Variants in SSBP2 observed in about 807,000 individuals in gnomAD.
SSBP2 encodes the protein single stranded DNA binding protein 2, also known as single-stranded DNA-binding protein 2.
Under a neutral mutation model 61.8 loss-of-function variants are expected in SSBP2, and 17 were observed. The observed-to-expected ratio is 0.28, with a 90% CI of 0.19 to 0.41. SSBP2 has a LOEUF of 0.41. Among genes scored for constraint, SSBP2 ranks in the 10% least tolerant of loss-of-function variants. The probability of loss-of-function intolerance (pLI) is 1.00; values close to 1 mark genes in which losing one functional copy is unlikely to be tolerated. For synonymous variants in SSBP2, 139 were observed against 141.3 expected (o/e 0.98, Z 0.12); for missense variants, 310 against 458.7 (o/e 0.68, Z 2.96).
chr5:81,514,558 C>T (rs1006539625), intron 4 of SSBP2, among the ~76,000 whole-genome samples: 2 of 151,944 alleles, frequency 1.3e-5, no homozygotes, highest in African/African-American at 4.8e-5. Context: ...ATTACAAATA[C>T]TAAAAACAGT....
chr5:81,751,101 G>A (rs1757741388), upstream of SSBP2: 6 of 1,530,242 alleles, frequency 3.9e-6, no homozygotes, highest in Admixed American at 5.9e-5. Context: ...CAGCCTCCCC[G>A]GGAACAGCCC....
At chr5:81,544,298 C>T (rs1282896634) in intron 4 of SSBP2, among the ~76,000 whole-genome samples, 1 of 152,158 alleles carries the variant, frequency 6.6e-6, no homozygotes, top group Non-Finnish European at 1.5e-5. Context: ...CCGCCCCCCT[C>T]AGCCACCCAA....
intron 1 of SSBP2, among the ~76,000 whole-genome samples, chr5:81,721,436 G>T (rs1025629085): frequency 3.9e-5 from 6 of 152,012 alleles, no homozygotes; most frequent in Admixed American, 3.9e-4. Context: ...TCATGAACCA[G>T]TTCACACACT....
chr5:81,702,341 A>G (rs1278164607), intron 1 of SSBP2, among the ~76,000 whole-genome samples: 2 of 152,230 alleles, frequency 1.3e-5, no homozygotes, highest in Non-Finnish European at 2.9e-5. Context: ...ACTGCACTCC[A>G]GTCTGGCAAC....
At chr5:81,598,987 C>T (rs1192330242) in intron 4 of SSBP2, among the ~76,000 whole-genome samples, 3 of 152,172 alleles carry the variant, frequency 2.0e-5, no homozygotes, top group African/African-American at 7.2e-5. Context: ...TGCCTTTATT[C>T]TTTAGTGCAG....
At chr5:81,476,775 T>A (rs1271847893) in intron 6 of SSBP2, among the ~76,000 whole-genome samples, 3 of 152,224 alleles carry the variant, frequency 2.0e-5, no homozygotes, top group Non-Finnish European at 4.4e-5. Context: ...AACTAACCAC[T>A]ATGATAACTG....
chr5:81,540,693 G>A (rs1771198510), intron 4 of SSBP2, among the ~76,000 whole-genome samples: 1 of 152,132 alleles, frequency 6.6e-6, no homozygotes, highest in African/African-American at 2.4e-5. Context: ...ATAGAATACA[G>A]TATAATGTAC....
chr5:81,440,481 G>T, intron 14 of SSBP2, 77 bp downstream of exon 14: 3 of 1,269,810 alleles, frequency 2.4e-6, no homozygotes, highest in Non-Finnish European at 2.2e-6. Flanking sequence ...GAAGAACTTT[G>T]GAAACTGTAA....
chr5:81,461,096 C>G lies in SSBP2; in HGVS notation c.646G>C (p.Gly216Arg). The G allele has an allele frequency of 6.3e-7, 1 of 1,589,068 alleles. No individual in the cohort carries two copies. The highest frequency in any genetic ancestry group is 8.6e-7 in the Non-Finnish European group (1 of 1,167,782). Residue 216 changes from glycine to arginine, a missense_variant, in exon 10 of 17, where the codon GGT becomes CGT. Physicochemically the swap from Gly to Arg is moderately radical, Grantham distance 125. Transcript: ENST00000320672. ...GGGTTTGGCCAAGGTCTACCACCAC[C>G]TGGACCCCTACAAAACAATTTGATA...
intron 1 of SSBP2, among the ~76,000 whole-genome samples, chr5:81,659,887 T>A (rs1750540225): frequency 6.6e-6 from 1 of 152,084 alleles, no homozygotes; most frequent in East Asian, 1.9e-4. Flanking sequence ...ATCACACATC[T>A]ACAACCATCT....
At chr5:81,731,057 C>T (rs1012164164) in intron 1 of SSBP2, among the ~76,000 whole-genome samples, 2 of 152,170 alleles carry the variant, frequency 1.3e-5, no homozygotes, top group East Asian at 1.9e-4. Context: ...AAACTCTATA[C>T]GATTAAACTT....
intron 4 of SSBP2, among the ~76,000 whole-genome samples, chr5:81,519,838 T>A (rs1769324604): frequency 6.6e-6 from 1 of 152,182 alleles, no homozygotes; most frequent in Non-Finnish European, 1.5e-5. Context: ...ATTCTCATCA[T>A]CTTTGCCAGG....
chr5:81,428,834 T>C (rs1294091959), intron 15 of SSBP2, 151 bp from the exon 16 acceptor site: 3 of 540,312 alleles, frequency 5.6e-6, no homozygotes, highest in South Asian at 5.9e-5. Flanking sequence ...TATTTCATTC[T>C]TTGCACTTTG....
chr5:81,447,809 T>C (rs1197777796), intron 11 of SSBP2: 1 of 152,216 alleles, frequency 6.6e-6, no homozygotes, highest in Non-Finnish European at 1.5e-5. Flanking sequence ...GCCTTATTCA[T>C]TAGTGGCTTT....
intron 2 of SSBP2, among the ~76,000 whole-genome samples, chr5:81,642,311 C>T (rs1561643669): frequency 6.6e-6 from 1 of 152,094 alleles, no homozygotes; most frequent in Admixed American, 6.6e-5. Flanking sequence ...GTGTATTTGC[C>T]CAGTCCTAAG....
intron 4 of SSBP2, among the ~76,000 whole-genome samples, chr5:81,553,530 T>A (rs1260772989): frequency 6.6e-6 from 1 of 152,200 alleles, no homozygotes; most frequent in Non-Finnish European, 1.5e-5. Flanking sequence ...AATGGCTAGC[T>A]ATTTTCCAGT....
chr5:81,536,327 T>G (rs1305615760), intron 4 of SSBP2, among the ~76,000 whole-genome samples: 1 of 152,134 alleles, frequency 6.6e-6, no homozygotes, highest in African/African-American at 2.4e-5. Flanking sequence ...TTTTTTAACT[T>G]TTATTTTAAG....
Position 81,724,955 on chromosome 5 carries a change from T to C in SSBP2, c.62+26026A>G, listed in dbSNP as rs1050580257. On this transcript the variant is annotated intron_variant, in intron 1 of 16. Transcript: ENST00000320672. ...ACAAAGGATATAAATAGCCAATTCA[T>C]GTTTATTTATTCAACAAATATTTAT... 2.0e-5 allele frequency among the ~76,000 whole-genome samples: 3 copies of C among 152,176 alleles called. No individual in the cohort carries two copies. In the East Asian group the frequency reaches 5.8e-4, roughly 29 times the overall value.
chr5:81,560,225 T>G (rs1183415756), intron 4 of SSBP2, among the ~76,000 whole-genome samples: 1 of 152,156 alleles, frequency 6.6e-6, no homozygotes, highest in South Asian at 2.1e-4. Context: ...CAAAAAAGAT[T>G]GTGTTCAAAT....
Sources: gnomAD v4.1 joint callset for allele counts (sites outside exome capture counted in the v4.1 genomes callset) on GRCh38, gnomAD v4.1.1 for gene constraint, MANE v1.5 for transcripts, NCBI Gene and HGNC (gene_info 2026-07-23, HGNC 2026-07-21) for gene names.